Variants in PUM2 observed in about 807,000 individuals in gnomAD.
PUM2 encodes the protein pumilio homolog 2.
Under a neutral mutation model 124.5 loss-of-function variants are expected in PUM2, and 57 were observed. The observed-to-expected ratio is 0.46, with a 90% CI of 0.37 to 0.57. The LOEUF is 0.57. PUM2 is among the 20% of genes least tolerant of loss of function. PUM2 has a pLI of 0.00. For missense variants in PUM2, 1,065 were observed against 1,290.6 expected (o/e 0.83, Z 2.68); for synonymous variants, 460 against 446.1 (o/e 1.03, Z -0.39).
intron 19 of PUM2, 42 bp from the exon 20 acceptor site, chr2:20,254,056 C>A: frequency 2.6e-6 from 4 of 1,536,866 alleles, no homozygotes; most frequent in Non-Finnish European, 3.5e-6. Context: ...TTATTTTTTT[C>A]TTCACAGCAA....
At chr2:20,351,096 A>G (rs368340064), upstream of PUM2, among the ~76,000 whole-genome samples, 9 of 152,182 alleles carry the variant, frequency 5.9e-5, no homozygotes, top group African/African-American at 2.2e-4. Context: ...GGGCTCGGAG[A>G]GCGCAGGCGT....
At chr2:20,262,735 T>G (rs1156292044) in intron 14 of PUM2, among the ~76,000 whole-genome samples, 1 of 152,270 alleles carries the variant, frequency 6.6e-6, no homozygotes, top group Non-Finnish European at 1.5e-5. Context: ...GTATCTCTCA[T>G]GTATTACATT....
intron 2 of PUM2, among the ~76,000 whole-genome samples, chr2:20,326,678 G>C (rs894640934): frequency 6.6e-5 from 10 of 152,148 alleles, no homozygotes; most frequent in African/African-American, 2.4e-4. Context: ...GAAAATCATA[G>C]ATTAACGAGA....
downstream of PUM2, chr2:20,248,735 G>A (rs1165941508): frequency 2.0e-5 from 3 of 152,490 alleles, no homozygotes; most frequent in Admixed American, 1.3e-4. Flanking sequence ...CACAAGACCA[G>A]GTTTATTTCA....
In PUM2 at chr2:20,251,731, A is replaced by C. The variant is rs940451183; in HGVS notation, c.3064-15T>G. On this transcript the variant is annotated splice_polypyrimidine_tract_variant and intron_variant, in intron 20 of 20. Coordinates refer to ENST00000361078, the MANE Select transcript of PUM2 (RefSeq NM_015317.5). ...TGAGGTCGAATCTGAAAAACAAATAATCTGCTTAGAAAATCTAAGTCATTT... is the reference window on the plus strand; with the variant it reads ...TGAGGTCGAATCTGAAAAACAAATACTCTGCTTAGAAAATCTAAGTCATTT... The C allele has an allele frequency of 1.2e-6, 2 of 1,610,678 alleles. No individual in the cohort carries two copies. The highest frequency in any genetic ancestry group is 2.7e-5 in the African/African-American group (2 of 74,864).
At chr2:20,308,722 T>A (rs1678929213) in intron 5 of PUM2, 138 bp from the exon 6 acceptor site, 1 of 761,412 alleles carries the variant, frequency 1.3e-6, no homozygotes. Context: ...TGCCACCTTA[T>A]CACATTTTTT....
intron 2 of PUM2, among the ~76,000 whole-genome samples, chr2:20,319,722 CAT>C (rs367616502): frequency 2.6e-4 from 40 of 152,164 alleles, no homozygotes; most frequent in African/African-American, 8.2e-4. Flanking sequence ...TAAGATGAAA[CAT>C]GTGGGAAGGT....
chr2:20,310,901 T>C (rs562652900), intron 5 of PUM2, among the ~76,000 whole-genome samples: 2 of 152,142 alleles, frequency 1.3e-5, no homozygotes, highest in African/African-American at 2.4e-5. Flanking sequence ...TTAACTGCCA[T>C]AAAAAGACAA....
chr2:20,342,184 T>G (rs1004487071), intron 1 of PUM2, among the ~76,000 whole-genome samples: 1 of 150,584 alleles, frequency 6.6e-6, no homozygotes, highest in Non-Finnish European at 1.5e-5. Context: ...AACAGAGAAC[T>G]AAAGGAAGAA....
In PUM2 at chr2:20,251,682, G is replaced by A; in HGVS notation, c.3098C>T (p.Thr1033Ile). 5 of 1,613,518 alleles carry A rather than the reference G, an allele frequency of 3.1e-6. No homozygotes were observed. Among genetic ancestry groups the A allele is most frequent in the Non-Finnish European group, 3.4e-6 (4 of 1,179,524 alleles). The change falls in exon 21 of 21, where the codon ACA becomes ATA. Residue 1033 changes from threonine (T) to isoleucine (I), a missense_variant. By Grantham distance (89) the Thr-to-Ile change is moderately conservative. Around this residue, in one of 3 missense-constraint regions of PUM2, gnomAD observed 968 missense variants for 1,159.8 expected, o/e 0.83. Transcript: ENST00000361078. ...CTTGGCCAGTATATGCTTCCCGTAT[G>A]TGTATTTGCGCAAAGTAGTAATGTG... ...RPHITTLRKY[T>I]YGKHILAKLE...
intron 3 of PUM2, among the ~76,000 whole-genome samples, chr2:20,315,418 T>G (rs146583522): frequency 6.6e-6 from 1 of 152,280 alleles, no homozygotes; most frequent in African/African-American, 2.4e-5. Flanking sequence ...AAGAAGGTGT[T>G]ATGCATATTT....
intron 7 of PUM2, among the ~76,000 whole-genome samples, chr2:20,298,825 C>T (rs1326959881): frequency 2.6e-5 from 4 of 152,056 alleles, no homozygotes; most frequent in Admixed American, 1.3e-4. Context: ...GGCAAGAGGG[C>T]GAGACTCCGT....
chr2:20,269,612 T>C (rs895867498), intron 13 of PUM2, among the ~76,000 whole-genome samples: 10 of 152,294 alleles, frequency 6.6e-5, no homozygotes, highest in African/African-American at 2.4e-4. Flanking sequence ...TCCACATCAT[T>C]TTAATAGGCT....
chr2:20,350,443 GCGGGCCCCAGGCCGCACCGGCC>G, intron 1 of PUM2, 132 bp downstream of exon 1: 1 of 968,868 alleles, frequency 1.0e-6, no homozygotes, highest in African/African-American at 1.8e-5. Context: ...CATTGTGCGA[GCGGGCCCCAGGCCGCACCGGCC>G]CGGGCACTCA....
intron 14 of PUM2, among the ~76,000 whole-genome samples, chr2:20,262,062 T>C (rs1200606128): frequency 6.6e-6 from 1 of 152,164 alleles, no homozygotes; most frequent in Non-Finnish European, 1.5e-5. Context: ...GCTACTGTAT[T>C]CCAGCCTGGA....
chr2:20,334,449 C>T (rs369485505), intron 1 of PUM2, among the ~76,000 whole-genome samples: 5 of 152,158 alleles, frequency 3.3e-5, no homozygotes, highest in African/African-American at 1.2e-4. Flanking sequence ...TCTACTGCCA[C>T]ATGGTACTAA....
At chr2:20,323,243 T>C (rs2148800147) in intron 2 of PUM2, among the ~76,000 whole-genome samples, 1 of 152,076 alleles carries the variant, frequency 6.6e-6, no homozygotes. Flanking sequence ...GGTCAGGAAA[T>C]TGAGATCATC....
At chr2:20,286,598 T>C (rs1037464885) in intron 10 of PUM2, among the ~76,000 whole-genome samples, 6 of 152,198 alleles carry the variant, frequency 3.9e-5, no homozygotes, top group Non-Finnish European at 8.8e-5. Flanking sequence ...GTCAACTTCA[T>C]TGTCTTCAAA....
At chr2:20,275,251 T>G (rs547191604) in intron 13 of PUM2, among the ~76,000 whole-genome samples, 1 of 152,116 alleles carries the variant, frequency 6.6e-6, no homozygotes, top group African/African-American at 2.4e-5. Flanking sequence ...AAAATTGATG[T>G]CTTACACTGC....
Sources: allele counts gnomAD v4.1 joint callset (sites outside exome capture counted in the v4.1 genomes callset), GRCh38; gene constraint gnomAD v4.1.1; regional missense constraint gnomAD v4.1.1; transcripts MANE v1.5; gene names NCBI Gene and HGNC (gene_info 2026-07-23, HGNC 2026-07-21).